TMEM74: variants seen among roughly 807,000 people sequenced by gnomAD.
TMEM74 encodes transmembrane protein 74.
TMEM74 carries 13 observed loss-of-function variants against 18.1 expected under a neutral mutation model. The observed-to-expected ratio is 0.72, with a 90% CI of 0.47 to 1.14. The LOEUF (loss-of-function observed/expected upper bound fraction) is 1.14, where lower values mean the gene tolerates loss of function less well. Ranked by LOEUF, TMEM74 falls within the 50% of genes most tolerant of loss-of-function variation. The pLI is 0.00. For synonymous variants in TMEM74, 159 were observed against 146.6 expected (o/e 1.08, Z -0.61); for missense variants, 372 against 375.9 (o/e 0.99, Z 0.09).
chr8:108,635,587 A>T (rs1812599024), intron 2 of TMEM74, among the ~76,000 whole-genome samples: 2 of 151,944 alleles, frequency 1.3e-5, no homozygotes. Flanking sequence ...ATTCTCATTC[A>T]CCTCGCCAAC....
chr8:108,740,211 C>A (rs1813786824), intron 1 of TMEM74, among the ~76,000 whole-genome samples: 1 of 152,162 alleles, frequency 6.6e-6, no homozygotes, highest in Non-Finnish European at 1.5e-5. Flanking sequence ...CTTCCCAACA[C>A]TCAGCTTTTT....
intron 1 of TMEM74, among the ~76,000 whole-genome samples, chr8:108,660,132 C>A (rs1344090170): frequency 6.6e-6 from 1 of 152,174 alleles, no homozygotes; most frequent in African/African-American, 2.4e-5. Flanking sequence ...TTGCAGCACA[C>A]CAGGACCTAC....
At chr8:108,615,297 G>A (rs767307623) in intron 2 of TMEM74, among the ~76,000 whole-genome samples, 4 of 152,172 alleles carry the variant, frequency 2.6e-5, no homozygotes, top group Middle Eastern at 3.2e-3. Flanking sequence ...CCTTCACCTA[G>A]GGAATGGTTA....
intron 1 of TMEM74, among the ~76,000 whole-genome samples, chr8:108,666,595 T>A (rs576299124): frequency 1.3e-5 from 2 of 152,268 alleles, no homozygotes; most frequent in East Asian, 3.9e-4. Context: ...AATGTACCCC[T>A]GCATAGCTTT....
intron 1 of TMEM74, among the ~76,000 whole-genome samples, chr8:108,736,543 A>T (rs1813751326): frequency 6.6e-6 from 1 of 152,094 alleles, no homozygotes; most frequent in Non-Finnish European, 1.5e-5. Context: ...GGAAATGCAC[A>T]ATATGCACAC....
intron 1 of TMEM74, among the ~76,000 whole-genome samples, chr8:108,717,696 T>G (rs1019405653): frequency 6.6e-6 from 1 of 151,822 alleles, no homozygotes; most frequent in Non-Finnish European, 1.5e-5. Flanking sequence ...GAGGGAATGG[T>G]CATGTGGGGA....
intron 1 of TMEM74, among the ~76,000 whole-genome samples, chr8:108,767,682 A>G (rs192484077): frequency 0.011 from 1,601 of 152,274 alleles, 17 homozygotes; most frequent in Middle Eastern, 0.024. Flanking sequence ...TAATTTTAAC[A>G]GAAATCTCAA....
At chr8:108,642,999 T>C (rs536544713) in intron 2 of TMEM74, among the ~76,000 whole-genome samples, 8 of 152,194 alleles carry the variant, frequency 5.3e-5, no homozygotes, top group Non-Finnish European at 8.8e-5. Context: ...ACTCACTATA[T>C]ACCCCTTACC....
chr8:108,730,807 A>G (rs760210627), intron 1 of TMEM74, among the ~76,000 whole-genome samples: 1 of 151,628 alleles, frequency 6.6e-6, no homozygotes, highest in Non-Finnish European at 1.5e-5. Context: ...TAATTTTTCT[A>G]TTTTTAGTAG....
intron 1 of TMEM74, among the ~76,000 whole-genome samples, chr8:108,697,564 C>T (rs1276905234): frequency 1.3e-5 from 2 of 152,068 alleles, no homozygotes; most frequent in Non-Finnish European, 2.9e-5. Flanking sequence ...ACCACAGGCT[C>T]ATGCCACCAC....
chr8:108,783,112 T>C lies in TMEM74; in HGVS notation c.*1069A>G, dbSNP rs919773949. ...TGAATCTCTCTTTCCATTTTATTTT[T>C]TTTTGGCTTTGGGCTTAAGGACTGT... On this transcript the variant is annotated 3_prime_UTR_variant, in exon 2 of 2. Coordinates refer to ENST00000297459, the MANE Select transcript of TMEM74 (RefSeq NM_153015.3). Among the ~76,000 whole-genome samples the C allele has an allele frequency of 6.6e-6, 1 of 152,184 alleles. No homozygotes were observed. Among genetic ancestry groups the C allele is most frequent in the Non-Finnish European group, 1.5e-5 (1 of 68,030 alleles).
intron 2 of TMEM74, among the ~76,000 whole-genome samples, chr8:108,653,857 G>A (rs1812796939): frequency 6.6e-6 from 1 of 152,046 alleles, no homozygotes; most frequent in Non-Finnish European, 1.5e-5. Flanking sequence ...TGGGATAGGT[G>A]GGAAGCATGG....
chr8:108,612,380 A>G (rs1372930421), intron 2 of TMEM74, among the ~76,000 whole-genome samples: 3 of 152,254 alleles, frequency 2.0e-5, no homozygotes, highest in Non-Finnish European at 4.4e-5. Context: ...GGTCATAAGA[A>G]TAACAAATGG....
chr8:108,608,080 G>C (rs943853065), intron 3 of TMEM74, among the ~76,000 whole-genome samples: 2 of 151,980 alleles, frequency 1.3e-5, no homozygotes, highest in Admixed American at 1.3e-4. Context: ...GAGGCGGGTG[G>C]ATCACAAGGT....
intron 1 of TMEM74, among the ~76,000 whole-genome samples, chr8:108,758,384 T>C (rs919175149): frequency 6.6e-6 from 1 of 151,978 alleles, no homozygotes; most frequent in Non-Finnish European, 1.5e-5. Flanking sequence ...GAGGCTTAAC[T>C]CTCTTGACCT....
At chr8:108,738,058 A>T (rs914994485) in intron 1 of TMEM74, among the ~76,000 whole-genome samples, 2 of 151,938 alleles carry the variant, frequency 1.3e-5, no homozygotes, top group Non-Finnish European at 2.9e-5. Context: ...CTGTTTAGGA[A>T]TCTCTCCCCC....
At chr8:108,743,857 G>T (rs1280723968) in intron 1 of TMEM74, among the ~76,000 whole-genome samples, 1 of 152,142 alleles carries the variant, frequency 6.6e-6, no homozygotes, top group Admixed American at 6.6e-5. Context: ...GCACTCTGCT[G>T]AGTAGCTTTC....
intron 1 of TMEM74, among the ~76,000 whole-genome samples, chr8:108,759,252 G>C (rs1474342698): frequency 1.3e-5 from 2 of 152,014 alleles, no homozygotes; most frequent in African/African-American, 4.8e-5. Context: ...AGTTGTGAGG[G>C]TGGATTAAGT....
At chr8:108,676,047 G>A (rs1813053344) in intron 1 of TMEM74, among the ~76,000 whole-genome samples, 1 of 152,182 alleles carries the variant, frequency 6.6e-6, no homozygotes, top group Non-Finnish European at 1.5e-5. Flanking sequence ...AAACACTCTT[G>A]TAAAAGGTGG....
Sources: allele counts gnomAD v4.1 joint callset (sites outside exome capture counted in the v4.1 genomes callset), GRCh38; gene constraint gnomAD v4.1.1; transcripts MANE v1.5; gene names NCBI Gene and HGNC (gene_info 2026-07-23, HGNC 2026-07-21).